Variants in PLA2G4E observed in about 807,000 individuals in gnomAD.
The protein encoded by PLA2G4E is phospholipase A2 group IVE, also known as cytosolic phospholipase A2 epsilon.
PLA2G4E carries 84 observed loss-of-function variants against 109.1 expected under a neutral mutation model. That is an observed-to-expected ratio of 0.77 (90% CI 0.65 to 0.92). The LOEUF (loss-of-function observed/expected upper bound fraction) is 0.92. PLA2G4E is among the 40% of genes least tolerant of loss of function. PLA2G4E has a pLI of 0.00. For synonymous variants in PLA2G4E, 469 were observed against 436.1 expected (o/e 1.08, Z -0.94); for missense variants, 1,057 against 1,076.6 (o/e 0.98, Z 0.25).
chr15:41,999,860 AC>A, intron 9 of PLA2G4E, 56 bp downstream of exon 9: 1 of 1,502,704 alleles, frequency 6.7e-7, no homozygotes, highest in East Asian at 2.4e-5. Context: ...CCACCTCCCT[AC>A]CACAGGAGCT....
At chr15:41,984,052 G>T in intron 19 of PLA2G4E, 78 bp from the exon 20 acceptor site, 1 of 1,346,504 alleles carries the variant, frequency 7.4e-7, no homozygotes, top group Non-Finnish European at 1.0e-6. Flanking sequence ...TCTCCCCAAG[G>T]CCCACCAACC....
intron 1 of PLA2G4E, among the ~76,000 whole-genome samples, chr15:42,023,053 G>A (rs1566847325): frequency 6.6e-6 from 1 of 152,118 alleles, no homozygotes; most frequent in Non-Finnish European, 1.5e-5. Context: ...AACACAGGCA[G>A]GGAGGCCAGA....
Position 42,001,211 on chromosome 15 carries a change from C to CT in PLA2G4E, c.618dup (p.Val207SerfsTer31). 1 of 1,613,346 alleles carries CT rather than the reference C, an allele frequency of 6.2e-7. No homozygotes were observed. The highest frequency in any genetic ancestry group is 8.5e-7 in the Non-Finnish European group (1 of 1,179,318). On this transcript the variant is annotated frameshift_variant, in exon 7 of 20. Transcript: ENST00000399518. LOFTEE classifies it high-confidence loss of function. ...TGTGCATGAACCTCCAGGCAGGAGACTTGTCGAGACTGTAAAAAACAAAGG... is the reference window on the plus strand; with the variant it reads ...TGTGCATGAACCTCCAGGCAGGAGACTTTGTCGAGACTGTAAAAAACAAAGG...
intron 11 of PLA2G4E, among the ~76,000 whole-genome samples, chr15:41,995,823 C>T (rs1469868257): frequency 3.9e-5 from 6 of 152,144 alleles, no homozygotes; most frequent in Non-Finnish European, 5.9e-5. Flanking sequence ...AACTGGGGTC[C>T]GAGGGTGGTG....
intron 3 of PLA2G4E, among the ~76,000 whole-genome samples, chr15:42,006,455 A>G (rs2068477687): frequency 6.6e-6 from 1 of 152,166 alleles, no homozygotes; most frequent in Non-Finnish European, 1.5e-5. Flanking sequence ...GGAAAGAGCA[A>G]GCAAGACCCC....
chr15:42,007,816 C>G (rs1198587349), exon 3 of PLA2G4E: 1 of 1,610,654 alleles, frequency 6.2e-7, no homozygotes, highest in South Asian at 1.1e-5. Context: ...TCAGCTTCTT[C>G]TGAGAGGCGG....
At chr15:42,022,291 G>C (rs908507599) in intron 1 of PLA2G4E, among the ~76,000 whole-genome samples, 3 of 152,144 alleles carry the variant, frequency 2.0e-5, no homozygotes, top group Non-Finnish European at 4.4e-5. Flanking sequence ...GAAGATCCAT[G>C]GTTTACAGCA....
intron 2 of PLA2G4E, chr15:42,010,145 G>GCCT: frequency 6.1e-6 from 2 of 328,276 alleles, no homozygotes; most frequent in South Asian, 6.2e-5. Context: ...CCCCCACCCC[G>GCCT]GGCCTGGACC....
At position 42,010,073 on chromosome 15, in the gene PLA2G4E, A is replaced by G. The variant is rs2068516913; in HGVS notation, c.257-2208T>C. Reference sequence around the variant, plus strand: ...GTCTCATTGCTCTGCTGATAGGGAGACTCACCAGGAACCTGCTCAGCCCTC... The same window carrying G: ...GTCTCATTGCTCTGCTGATAGGGAGGCTCACCAGGAACCTGCTCAGCCCTC... On this transcript the variant is annotated intron_variant, in intron 2 of 19. Coordinates refer to ENST00000399518, the Ensembl canonical transcript of PLA2G4E. 3 of 489,248 alleles carry G rather than the reference A, an allele frequency of 6.1e-6. No homozygotes were observed. In the African/African-American group the frequency reaches 6.2e-5, roughly 10 times the overall value. The allele number at this position is 489,248 out of a possible 1,614,324, so 30.3% of individuals were successfully genotyped here. A position where few individuals can be genotyped will look rare whatever the true frequency, so the allele number is the denominator to read the frequency against.
At chr15:42,018,428 T>G (rs1469712502) in intron 1 of PLA2G4E, among the ~76,000 whole-genome samples, 1 of 152,096 alleles carries the variant, frequency 6.6e-6, no homozygotes, top group Admixed American at 6.5e-5. Flanking sequence ...AGAGTCAAAC[T>G]ATTTAAGAAC....
intron 12 of PLA2G4E, among the ~76,000 whole-genome samples, chr15:41,993,209 A>G (rs2068280850): frequency 6.6e-6 from 1 of 152,232 alleles, no homozygotes; most frequent in Admixed American, 6.5e-5. Context: ...AGTGGTTAAG[A>G]TGAAGATTCT....
chr15:42,014,209 A>G (rs1595569671), intron 1 of PLA2G4E, among the ~76,000 whole-genome samples: 1 of 151,886 alleles, frequency 6.6e-6, no homozygotes, highest in South Asian at 2.1e-4. Context: ...CTGTTTTGTC[A>G]TTGTTTGCTG....
chr15:42,005,907 CTGGGGAATGGCTTTG>C, intron 4 of PLA2G4E, 68 bp downstream of exon 4: 1 of 1,501,938 alleles, frequency 6.7e-7, no homozygotes, highest in South Asian at 1.2e-5. Context: ...AGAGAAGACC[CTGGGGAATGGCTTTG>C]TGGGAATCAG....
At chr15:42,010,228 G>A (rs79444995) in intron 2 of PLA2G4E, 1 of 499,806 alleles carries the variant, frequency 2.0e-6, no homozygotes, top group South Asian at 1.6e-5. Context: ...TACTGGTTCT[G>A]TAATGCACTT....
intron 1 of PLA2G4E, among the ~76,000 whole-genome samples, chr15:42,020,604 C>A (rs2068639041): frequency 6.7e-6 from 1 of 148,650 alleles, no homozygotes; most frequent in Non-Finnish European, 1.5e-5. Context: ...TTAGGGCAGG[C>A]CAAATGTGGA....
intron 1 of PLA2G4E, among the ~76,000 whole-genome samples, chr15:42,042,703 C>T (rs1346178736): frequency 6.6e-6 from 1 of 152,174 alleles, no homozygotes; most frequent in East Asian, 1.9e-4. Flanking sequence ...TTCTCAAGAG[C>T]TGGGAAGCCC....
At chr15:42,001,025 G>T in intron 7 of PLA2G4E, 132 bp downstream of exon 7, 2 of 868,268 alleles carry the variant, frequency 2.3e-6, no homozygotes, top group Non-Finnish European at 3.7e-6. Flanking sequence ...AGATGATTCT[G>T]AGGGGTTTCA....
chr15:41,983,936 C>G lies in PLA2G4E; in HGVS notation c.2425G>C (p.Val809Leu), dbSNP rs777189345. 3.7e-6 allele frequency: 6 copies of G among 1,611,944 alleles called. No individual in the cohort carries two copies. In the Admixed American group the frequency reaches 1.0e-4, roughly 27 times the overall value. The change falls in exon 20 of 20, where the codon GTG becomes CTG. Residue 809 changes from valine (V) to leucine (L), a missense_variant. Physicochemically the swap from Val to Leu is conservative, Grantham distance 32. Transcript: ENST00000399518. ...GGAGTTTTGGGACCATAAATGTCCA[C>G]CTGGCCCTGCTCCAGCTCCTCAGGG...
At chr15:42,031,499 C>T (rs904567664) in intron 1 of PLA2G4E, among the ~76,000 whole-genome samples, 2 of 152,144 alleles carry the variant, frequency 1.3e-5, no homozygotes, top group African/African-American at 4.8e-5. Flanking sequence ...ATTTTTCCTC[C>T]TCTCATTTTC....
Sources: allele counts gnomAD v4.1 joint callset (sites outside exome capture counted in the v4.1 genomes callset), GRCh38; gene constraint gnomAD v4.1.1; transcripts MANE v1.5; gene names NCBI Gene and HGNC (gene_info 2026-07-23, HGNC 2026-07-21).